SLC9A9: variants seen among roughly 807,000 people sequenced by gnomAD.
SLC9A9 encodes the protein solute carrier family 9 member A9, also known as sodium/hydrogen exchanger 9.
SLC9A9 carries 62 observed loss-of-function variants against 77.8 expected under a neutral mutation model. That is an observed-to-expected ratio of 0.80 (90% CI 0.65 to 0.98). The LOEUF (loss-of-function observed/expected upper bound fraction) is 0.98, where lower values mean the gene tolerates loss of function less well. SLC9A9 is among the 50% of genes least tolerant of loss of function. The pLI is 0.00. For missense variants in SLC9A9, 775 were observed against 774.9 expected, an observed-to-expected ratio of 1.00 and a Z score of 0.00; for synonymous variants, 320 against 283.5, an observed-to-expected ratio of 1.13 and a Z score of -1.29.
At chr3:143,307,770 G>T (rs986922839) in intron 14 of SLC9A9, among the ~76,000 whole-genome samples, 2 of 152,134 alleles carry the variant, frequency 1.3e-5, no homozygotes, top group Non-Finnish European at 2.9e-5. Context: ...CTCTGGGTGA[G>T]CCCTGCCTTT....
intron 7 of SLC9A9, among the ~76,000 whole-genome samples, chr3:143,577,969 C>T (rs750501699): frequency 6.6e-6 from 1 of 152,196 alleles, no homozygotes; most frequent in Non-Finnish European, 1.5e-5. Context: ...TTCTTTGGCT[C>T]AGATTCTCTA....
At chr3:143,585,082 T>A (rs1191118344) in intron 6 of SLC9A9, among the ~76,000 whole-genome samples, 3 of 152,200 alleles carry the variant, frequency 2.0e-5, no homozygotes, top group Non-Finnish European at 4.4e-5. Flanking sequence ...GAGACCTCTG[T>A]TGGCATGATG....
intron 12 of SLC9A9, among the ~76,000 whole-genome samples, chr3:143,388,495 C>T (rs2033479000): frequency 6.6e-6 from 1 of 152,102 alleles, no homozygotes; most frequent in Admixed American, 6.6e-5. Flanking sequence ...GTTTTCCCAA[C>T]TATAAGAGGG....
At chr3:143,691,848 G>A (rs754430223) in intron 5 of SLC9A9, among the ~76,000 whole-genome samples, 7 of 151,874 alleles carry the variant, frequency 4.6e-5, no homozygotes, top group Admixed American at 6.6e-5. Context: ...ATTCCCCATG[G>A]TATTCACTTT....
chr3:143,702,067 A>G (rs1294277195), intron 4 of SLC9A9, among the ~76,000 whole-genome samples: 2 of 152,212 alleles, frequency 1.3e-5, no homozygotes, highest in African/African-American at 2.4e-5. Flanking sequence ...TATCTGGTGA[A>G]AATATCTTTC....
chr3:143,443,269 C>T (rs1217278024), intron 12 of SLC9A9, among the ~76,000 whole-genome samples: 14 of 152,078 alleles, frequency 9.2e-5, no homozygotes, highest in Non-Finnish European at 1.9e-4. Context: ...TTTGTGACTT[C>T]TCAAAGCCAC....
intron 13 of SLC9A9, among the ~76,000 whole-genome samples, chr3:143,377,480 C>T (rs1449437327): frequency 6.6e-6 from 1 of 152,210 alleles, no homozygotes; most frequent in African/African-American, 2.4e-5. Context: ...AGACCTTTCT[C>T]AGCTCTGCTG....
intron 4 of SLC9A9, among the ~76,000 whole-genome samples, chr3:143,720,180 T>C (rs143862112): frequency 2.8e-3 from 421 of 150,352 alleles, no homozygotes; most frequent in African/African-American, 0.01. Context: ...AGTAAATATA[T>C]GTAGAGTTAT....
At chr3:143,719,856 T>G (rs1202863233) in intron 4 of SLC9A9, among the ~76,000 whole-genome samples, 1 of 152,134 alleles carries the variant, frequency 6.6e-6, no homozygotes, top group Non-Finnish European at 1.5e-5. Context: ...TGAAGAGGCC[T>G]GCAATCAAAG....
intron 4 of SLC9A9, among the ~76,000 whole-genome samples, chr3:143,780,852 T>C (rs1490775694): frequency 6.6e-6 from 1 of 152,220 alleles, no homozygotes; most frequent in Non-Finnish European, 1.5e-5. Context: ...ATCTGGTATA[T>C]ACTATTTGCT....
At chr3:143,502,913 T>G (rs1032263169) in intron 9 of SLC9A9, among the ~76,000 whole-genome samples, 19 of 152,260 alleles carry the variant, frequency 1.2e-4, no homozygotes, top group African/African-American at 4.3e-4. Context: ...AGATTTCATT[T>G]TTATATACTA....
chr3:143,551,611 A>G (rs2036885976), intron 9 of SLC9A9, among the ~76,000 whole-genome samples: 1 of 152,212 alleles, frequency 6.6e-6, no homozygotes. Flanking sequence ...ATCTCTGGAA[A>G]CTTTCTCCTG....
At chr3:143,833,351 C>T (rs2009486767) in intron 1 of SLC9A9, among the ~76,000 whole-genome samples, 1 of 152,156 alleles carries the variant, frequency 6.6e-6, no homozygotes, top group South Asian at 2.1e-4. Context: ...CTTACAGGAG[C>T]TCGTTTGTAT....
chr3:143,555,546 C>A (rs1307433529), intron 8 of SLC9A9, among the ~76,000 whole-genome samples: 11 of 152,192 alleles, frequency 7.2e-5, no homozygotes, highest in Non-Finnish European at 1.5e-4. Flanking sequence ...CTCAAGGTCA[C>A]CTCTAAAGTG....
At chr3:143,625,369 A>G (rs992779786) in intron 6 of SLC9A9, among the ~76,000 whole-genome samples, 3 of 152,234 alleles carry the variant, frequency 2.0e-5, no homozygotes, top group Non-Finnish European at 4.4e-5. Context: ...AAACTATACT[A>G]CAAGGCTACA....
chr3:143,542,406 C>T (rs190077427), intron 9 of SLC9A9, among the ~76,000 whole-genome samples: 6 of 152,168 alleles, frequency 3.9e-5, no homozygotes, highest in South Asian at 4.2e-4. Flanking sequence ...TTGATCTTCT[C>T]GGAAGCCAGG....
chr3:143,400,850 C>T (rs886800656), intron 12 of SLC9A9, among the ~76,000 whole-genome samples: 5 of 152,050 alleles, frequency 3.3e-5, no homozygotes, highest in Admixed American at 3.3e-4. Flanking sequence ...CAGGATCGTG[C>T]AAGTGCTGAG....
intron 13 of SLC9A9, 38 bp from the exon 14 acceptor site, chr3:143,363,601 G>C: frequency 6.4e-7 from 1 of 1,553,024 alleles, no homozygotes; most frequent in Non-Finnish European, 8.9e-7. Context: ...TGGGTAAATA[G>C]TCAAAAAGAT....
chr3:143,308,090 T>G (rs1467077896), intron 14 of SLC9A9, among the ~76,000 whole-genome samples: 2 of 152,174 alleles, frequency 1.3e-5, no homozygotes, highest in Non-Finnish European at 2.9e-5. Flanking sequence ...AGCTGAGCAG[T>G]GTGTCTGCCT....
Sources: gnomAD v4.1 joint callset for allele counts (sites outside exome capture counted in the v4.1 genomes callset) on GRCh38, gnomAD v4.1.1 for gene constraint, MANE v1.5 for transcripts, NCBI Gene and HGNC (gene_info 2026-07-23, HGNC 2026-07-21) for gene names.